NEDD4L: variants seen among roughly 807,000 people sequenced by gnomAD.
NEDD4L encodes the protein NEDD4 like E3 ubiquitin protein ligase, also known as E3 ubiquitin-protein ligase NEDD4-like.
In NEDD4L, 54 loss-of-function variants were observed where a neutral mutation model predicts 148.9. That is an observed-to-expected ratio of 0.36 (90% CI 0.29 to 0.45). The LOEUF (loss-of-function observed/expected upper bound fraction) is 0.45. Among genes scored for constraint, NEDD4L ranks in the 20% least tolerant of loss-of-function variants. The pLI is 1.00. For missense variants in NEDD4L, 856 were observed against 1,233.8 expected (o/e 0.69, Z 4.59); for synonymous variants, 433 against 440.7 (o/e 0.98, Z 0.22).
rs769289577 is a variant in NEDD4L, at chr18:58,396,260, G to A, written c.2919G>A (p.Gly973=). Residue 973 remains glycine, a synonymous_variant, in exon 31 of 31, where the codon GGG becomes GGA. Transcript: ENST00000400345. ...TGGAAAATGCTCAAGGATTTGAAGG[G>A]GTGGATTAAGCACCCTGTGCCTCGG... is the stretch of plus-strand genomic sequence containing the variant. The part of the protein sequence containing the change: ...MAVENAQGFE[G]VD The A allele has an allele frequency of 3.7e-6, 6 of 1,609,772 alleles. No homozygotes were observed. Among genetic ancestry groups the A allele is most frequent in the East Asian group, 2.2e-5 (1 of 44,844 alleles).
rs556027396 is a variant in NEDD4L, at chr18:58,153,703, G to A, written c.49-12085G>A. Among the ~76,000 whole-genome samples the A allele has an allele frequency of 9.2e-4, 140 of 151,610 alleles. 1 individual carries two copies. The highest frequency in any genetic ancestry group is 3.2e-3 in the African/African-American group (131 of 41,344). The stretch of plus-strand genomic sequence containing the variant: ...GCTCTGTCCCCCAGGCTGGAGTGCC[G>A]TGGCGCAATCTCGGCTCACTGCAAG... On this transcript the variant is annotated intron_variant, in intron 1 of 30. Coordinates refer to ENST00000400345, the MANE Select transcript of NEDD4L (RefSeq NM_001144967.3).
At chr18:58,217,994 G>T (rs2043327997) in intron 2 of NEDD4L, among the ~76,000 whole-genome samples, 1 of 152,142 alleles carries the variant, frequency 6.6e-6, no homozygotes. Context: ...ATATCAAGAT[G>T]ATCTCACTAA....
At chr18:58,316,373 C>A (rs1216220086) in intron 6 of NEDD4L, among the ~76,000 whole-genome samples, 1 of 152,240 alleles carries the variant, frequency 6.6e-6, no homozygotes. Flanking sequence ...CTTACTGTCT[C>A]TGCTTCCTAA....
At position 58,395,143 on chromosome 18, in the gene NEDD4L, A is replaced by G. The variant is rs144349126; in HGVS notation, c.2826-1024A>G. On this transcript the variant is annotated intron_variant, in intron 30 of 30. Coordinates refer to ENST00000400345, the MANE Select transcript of NEDD4L (RefSeq NM_001144967.3). The stretch of plus-strand genomic sequence containing the variant: ...ACAAGGCTGATGGGGCATGGTGAGC[A>G]CTCCATGAACATGAGCTCTTACGTC... Among the ~76,000 whole-genome samples, 23 of 152,222 alleles carry G rather than the reference A, an allele frequency of 1.5e-4. No homozygotes were observed. In the East Asian group the frequency reaches 4.4e-3, roughly 29 times the overall value.
At chr18:58,393,946 G>A (rs1014742352) in intron 30 of NEDD4L, among the ~76,000 whole-genome samples, 1 of 152,194 alleles carries the variant, frequency 6.6e-6, no homozygotes, top group South Asian at 2.1e-4. Flanking sequence ...TCACTACTCA[G>A]ACATTTAAAA....
At chr18:58,389,519 A>G in intron 28 of NEDD4L, 1 of 214,214 alleles carries the variant, frequency 4.7e-6, no homozygotes, top group Non-Finnish European at 9.2e-6. Context: ...CAGGGCAGAA[A>G]CAGGCTTCAG....
chr18:58,136,340 G>T (rs2032846536), intron 1 of NEDD4L, among the ~76,000 whole-genome samples: 1 of 152,182 alleles, frequency 6.6e-6, no homozygotes. Flanking sequence ...CTGATAAAGT[G>T]TTTTTAATTA....
chr18:58,144,824 C>T (rs145201498), intron 1 of NEDD4L, among the ~76,000 whole-genome samples: 1 of 152,364 alleles, frequency 6.6e-6, no homozygotes, highest in East Asian at 1.9e-4. Context: ...GCTATGTCCA[C>T]AGCACCTGGC....
chr18:58,113,312 C>T (rs1462668165), intron 1 of NEDD4L, among the ~76,000 whole-genome samples: 1 of 152,152 alleles, frequency 6.6e-6, no homozygotes, highest in Non-Finnish European at 1.5e-5. Flanking sequence ...TTCATGGAGT[C>T]TATGGTCTAG....
intron 1 of NEDD4L, among the ~76,000 whole-genome samples, chr18:58,131,516 C>T (rs1237307382): frequency 6.7e-6 from 1 of 149,508 alleles, no homozygotes; most frequent in Non-Finnish European, 1.5e-5. Context: ...GTGTTGGGCT[C>T]TGTTGGGGTT....
At chr18:58,131,658 T>G (rs2032171846) in intron 1 of NEDD4L, among the ~76,000 whole-genome samples, 1 of 151,838 alleles carries the variant, frequency 6.6e-6, no homozygotes, top group Admixed American at 6.6e-5. Flanking sequence ...ACTGTGATGG[T>G]GTTGAGCTCT....
intron 2 of NEDD4L, among the ~76,000 whole-genome samples, chr18:58,200,530 G>A (rs956424953): frequency 5.3e-5 from 8 of 152,118 alleles, no homozygotes; most frequent in African/African-American, 1.4e-4. Context: ...TTTAATTGAC[G>A]GTAAGTCATG....
At chr18:58,302,939 G>A (rs1342296385) in intron 5 of NEDD4L, among the ~76,000 whole-genome samples, 2 of 152,234 alleles carry the variant, frequency 1.3e-5, no homozygotes, top group African/African-American at 4.8e-5. Flanking sequence ...CTTCTACCTT[G>A]TAGTCGTCAG....
intron 5 of NEDD4L, among the ~76,000 whole-genome samples, chr18:58,252,487 A>G (rs1219173273): frequency 2.0e-5 from 3 of 152,202 alleles, no homozygotes; most frequent in Non-Finnish European, 4.4e-5. Flanking sequence ...ATAACAATCT[A>G]ATTAACAACG....
At chr18:58,112,558 G>A (rs2085487908) in intron 1 of NEDD4L, among the ~76,000 whole-genome samples, 1 of 151,940 alleles carries the variant, frequency 6.6e-6, no homozygotes, top group Non-Finnish European at 1.5e-5. Flanking sequence ...GTGTGATCTT[G>A]GTTCACTGCA....
intron 1 of NEDD4L, among the ~76,000 whole-genome samples, chr18:58,117,170 A>T (rs191027836): frequency 6.4e-4 from 97 of 152,328 alleles, no homozygotes; most frequent in African/African-American, 2.3e-3. Context: ...TTTTTTACAG[A>T]TTCATTTAAG....
At chr18:58,076,192 G>T (rs1032705910) in intron 1 of NEDD4L, among the ~76,000 whole-genome samples, 2 of 152,176 alleles carry the variant, frequency 1.3e-5, no homozygotes, top group Admixed American at 6.5e-5. Flanking sequence ...CTACAAATAT[G>T]CAAGCTAGAA....
chr18:58,059,659 T>C (rs2082239656), intron 1 of NEDD4L, among the ~76,000 whole-genome samples: 1 of 152,218 alleles, frequency 6.6e-6, no homozygotes, highest in South Asian at 2.1e-4. Flanking sequence ...GTCACTTGGC[T>C]AGGTGTTGAT....
At chr18:58,357,020 A>G (rs2044758412) in intron 18 of NEDD4L, among the ~76,000 whole-genome samples, 174 bp from the exon 19 acceptor site, 1 of 152,218 alleles carries the variant, frequency 6.6e-6, no homozygotes, top group Non-Finnish European at 1.5e-5. Context: ...GGGGGTTGCC[A>G]TATAGACTGT....
Sources: allele counts gnomAD v4.1 joint callset (sites outside exome capture counted in the v4.1 genomes callset), GRCh38; gene constraint gnomAD v4.1.1; transcripts MANE v1.5; gene names NCBI Gene and HGNC (gene_info 2026-07-23, HGNC 2026-07-21).